Variants in IGSF1 observed in about 807,000 individuals in gnomAD.
IGSF1 encodes immunoglobulin superfamily member 1.
A neutral mutation model predicts 95.3 loss-of-function variants in IGSF1; 40 were observed. The observed-to-expected ratio is 0.42, with a 90% CI of 0.33 to 0.55. The LOEUF is 0.55. IGSF1 is among the 20% of genes least tolerant of loss of function. IGSF1 has a pLI of 0.10. For missense variants in IGSF1, 906 were observed against 1,025.4 expected, an observed-to-expected ratio of 0.88 and a Z score of 1.59; for synonymous variants, 372 against 382.9, an observed-to-expected ratio of 0.97 and a Z score of 0.33.
chrX:131,287,282 TTATA>T (rs2080657883), intron 1 of IGSF1, among the ~76,000 whole-genome samples: 1 of 108,245 alleles, frequency 9.2e-6, no homozygotes, highest in Non-Finnish European at 1.9e-5. Context: ...CTTAGAGAGG[TTATA>T]TAATTTGCCC....
At chrX:131,281,560 G>A in intron 8 of IGSF1, 106 bp downstream of exon 8, 1 of 978,062 alleles carries the variant, frequency 1.0e-6, no homozygotes, top group African/African-American at 1.9e-5. Context: ...GAAACCCAAG[G>A]GCTCTGATTT....
At chrX:131,277,297 G>C in intron 13 of IGSF1, 71 bp from the exon 14 acceptor site, 1 of 993,062 alleles carries the variant, frequency 1.0e-6, no homozygotes, top group Non-Finnish European at 1.4e-6. Flanking sequence ...GAACAAGAAA[G>C]AGAGAAAGCA....
chrX:131,285,307 G>A lies in IGSF1; in HGVS notation c.539C>T (p.Thr180Ile). 1 of 1,210,573 alleles carries A rather than the reference G, an allele frequency of 8.3e-7. No individual in the cohort carries two copies. Among genetic ancestry groups the A allele is most frequent in the Non-Finnish European group, 1.1e-6 (1 of 894,389 alleles). ...GTTGTCAATGGAGAATATGGCCATTGTCCCAGTTGGGACTTGGTAATCCAC... is the reference window on the plus strand; with the variant it reads ...GTTGTCAATGGAGAATATGGCCATTATCCCAGTTGGGACTTGGTAATCCAC... ...EPVDYQVPTG[T>I]MAIFSIDNLT... is the part of the protein sequence containing the mutation. Residue 180 changes from threonine (T) to isoleucine (I), a missense_variant, in exon 5 of 20, where the codon ACA (threonine) becomes ATA (isoleucine). Coordinates refer to ENST00000361420, the MANE Select transcript of IGSF1 (RefSeq NM_001555.5).
chrX:131,282,622 C>A lies in IGSF1; in HGVS notation c.1068G>T (p.Lys356Asn). The A allele has an allele frequency of 8.3e-7, 1 of 1,210,642 alleles. No individual in the cohort carries two copies. Among genetic ancestry groups the A allele is most frequent in the African/African-American group, 1.7e-5 (1 of 57,705 alleles). Residue 356 changes from lysine to asparagine, a missense_variant, in exon 7 of 20, where the codon AAG becomes AAT. By Grantham distance (94) the Lys-to-Asn change is moderately conservative (BLOSUM62 0). This residue lies in a region of IGSF1 where 442 missense variants were observed against 448.1 expected (regional missense o/e 0.99). Coordinates refer to ENST00000361420, the MANE Select transcript of IGSF1 (RefSeq NM_001555.5). ...ATTGAAGTGGTTTGTCTTCTCCTTTCTTATAGAGTGCAAGACCCACTCCAT... is the reference window on the plus strand; with the variant it reads ...ATTGAAGTGGTTTGTCTTCTCCTTTATTATAGAGTGCAAGACCCACTCCAT... Reference protein sequence around the residue: ...PVDGVGLALYKKGEDKPLQFL... With the variant: ...PVDGVGLALYNKGEDKPLQFL...
At chrX:131,288,351 C>A (rs2080671327) in intron 1 of IGSF1, among the ~76,000 whole-genome samples, 1 of 111,903 alleles carries the variant, frequency 8.9e-6, no homozygotes, top group Non-Finnish European at 1.9e-5. Flanking sequence ...GATGCCCTTT[C>A]CATCTCAGTT....
In IGSF1 at chrX:131,283,236, G is replaced by A; in HGVS notation, c.696C>T (p.Ala232=). Residue 232 remains alanine, a synonymous_variant, in exon 6 of 20, where the codon GCC becomes GCT. Coordinates refer to ENST00000361420, the MANE Select transcript of IGSF1 (RefSeq NM_001555.5). ...AGLYPKPTLT[A]HPGPIMAPGE... Reference sequence around the variant, plus strand: ...CAGGTGCCATGATGGGCCCAGGATGGGCTGTCAAAGTTGGTTTGGGGTAGA... The same window carrying A: ...CAGGTGCCATGATGGGCCCAGGATGAGCTGTCAAAGTTGGTTTGGGGTAGA... 1.7e-6 allele frequency: 2 copies of A among 1,209,087 alleles called. No individual in the cohort carries two copies. The highest frequency in any genetic ancestry group is 2.2e-6 in the Non-Finnish European group (2 of 893,449).
chrX:131,278,465 C>A lies in IGSF1; in HGVS notation c.2037G>T (p.Gly679=). The change falls in exon 12 of 20, where the codon GGG becomes GGT. Residue 679 remains glycine, a synonymous_variant. Coordinates refer to ENST00000361420, the MANE Select transcript of IGSF1 (RefSeq NM_001555.5). ...SEPSEALELV[G]TDILPKPVIS... is the part of the protein sequence containing the mutation. ...AGACCCTCTACATTTTCTTACCTGTCCCCACCAGCTCAAGTGCCTCACTGG... is the reference window on the plus strand; with the variant it reads ...AGACCCTCTACATTTTCTTACCTGTACCCACCAGCTCAAGTGCCTCACTGG... 1.7e-6 allele frequency: 2 copies of A among 1,195,089 alleles called. No individual in the cohort carries two copies. The highest frequency in any genetic ancestry group is 3.5e-5 in the African/African-American group (2 of 57,461).
Position 131,281,245 on chromosome X carries a change from C to G in IGSF1, c.1619G>C (p.Arg540Thr). Residue 540 changes from arginine to threonine, a missense_variant, in exon 9 of 20, where the codon AGG becomes ACG. Arg to Thr is a moderately conservative substitution (Grantham distance 71, BLOSUM62 -1). This residue lies in a region of IGSF1 where 442 missense variants were observed against 448.1 expected (regional missense o/e 0.99). Transcript: ENST00000361420. ...VALLLVVLWI[R>T]WKCRRLRIRE... is the part of the protein sequence containing the mutation. The stretch of plus-strand genomic sequence containing the variant: ...GATTCTGAGTCTCCGACACTTCCAC[C>G]TTATCCACAGCACTACCAACAGCAA... 8.3e-7 allele frequency: 1 copy of G among 1,211,190 alleles called. No homozygotes were observed. The highest frequency in any genetic ancestry group is 1.1e-6 in the Non-Finnish European group (1 of 894,992).
chrX:131,282,421 T>C (rs2080575059), intron 7 of IGSF1, 23 bp downstream of exon 7: 1 of 1,167,584 alleles, frequency 8.6e-7, no homozygotes, highest in Admixed American at 2.3e-5. Context: ...AGGTTGATAA[T>C]AAAAACAGTT....
rs2080511438 is a variant in IGSF1 at position 131,278,658 on chromosome X, G to C, written c.1844C>G (p.Pro615Arg). Residue 615 changes from proline (P) to arginine (R), a missense_variant, in exon 12 of 20, where the codon CCT (proline) becomes CGT (arginine). By Grantham distance (103) the Pro-to-Arg change is moderately radical (BLOSUM62 -2). Coordinates refer to ENST00000361420, the MANE Select transcript of IGSF1 (RefSeq NM_001555.5). Reference sequence around the variant, plus strand: ...CACAAACTCCTTAGTTGAGCCAGAAGGGCTTCTGCACCAGAGGGTTAAGTT... The same window carrying C: ...CACAAACTCCTTAGTTGAGCCAGAACGGCTTCTGCACCAGAGGGTTAAGTT... ...WKNLTLWCRS[P>R]SGSTKEFVLL... The C allele has an allele frequency of 1.7e-6, 2 of 1,211,119 alleles. No individual in the cohort carries two copies. Among genetic ancestry groups the C allele is most frequent in the East Asian group, 5.9e-5 (2 of 33,827 alleles).
At chrX:131,281,424 C>T (rs931570531) in intron 8 of IGSF1, 86 bp from the exon 9 acceptor site, 41 of 1,074,313 alleles carry the variant, frequency 3.8e-5, no homozygotes, top group Middle Eastern at 2.5e-4. Flanking sequence ...AATCTGGTTA[C>T]TGACAGTGCT....
chrX:131,286,211 G>T (rs910581721), intron 3 of IGSF1, among the ~76,000 whole-genome samples, 163 bp from the exon 4 acceptor site: 2 of 111,157 alleles, frequency 1.8e-5, no homozygotes, highest in Non-Finnish European at 3.8e-5. Context: ...AGAACCCCAA[G>T]ATATTTTGTC....
intron 12 of IGSF1, 44 bp downstream of exon 12, chrX:131,278,417 G>C (rs781006651): frequency 1.8e-6 from 2 of 1,106,470 alleles, no homozygotes; most frequent in Non-Finnish European, 2.4e-6. Context: ...TGGAGTCCCA[G>C]GGGCACTGGG....
At chrX:131,277,664 C>T (rs1315513701) in intron 13 of IGSF1, 192 bp downstream of exon 13, 4 of 434,239 alleles carry the variant, frequency 9.2e-6, no homozygotes, top group East Asian at 7.4e-5. Context: ...CTATTAATAA[C>T]GATTATGGCT....
Position 131,278,566 on chromosome X carries a change from G to A in IGSF1, c.1936C>T (p.Pro646Ser). The A allele has an allele frequency of 1.7e-6, 2 of 1,211,222 alleles. No homozygotes were observed. The highest frequency in any genetic ancestry group is 1.8e-5 in the South Asian group (1 of 56,976). ...PASEQVRAAF[P>S]LGALTQSHTG... is the part of the protein sequence containing the mutation. ...TGGCTCTGGGTCAGGGCGCCAAGGG[G>A]GAAGGCAGCCCGGACCTGCTCTGAG... is the stretch of plus-strand genomic sequence containing the variant. The change falls in exon 12 of 20, where the codon CCC becomes TCC. Residue 646 changes from proline (P) to serine (S), a missense_variant. Physicochemically the swap from Pro to Ser is moderately conservative, Grantham distance 74. Transcript: ENST00000361420.
chrX:131,287,192 G>T (rs60402176), intron 1 of IGSF1, among the ~76,000 whole-genome samples: 39,695 of 94,075 alleles, frequency 0.42, 6,817 homozygotes, highest in East Asian at 0.56. Context: ...TATATATATA[G>T]AGAGAGAGAG....
At chrX:131,286,326 C>T in intron 3 of IGSF1, 111 bp downstream of exon 3, 1 of 678,728 alleles carries the variant, frequency 1.5e-6, no homozygotes, top group South Asian at 2.5e-5. Context: ...GATTCCCAAT[C>T]AGCCCAATCT....
Position 131,275,197 on chromosome X carries a change from G to T in IGSF1, c.3274C>A (p.Pro1092Thr). Reference sequence around the variant, plus strand: ...TTCAACAGGACAAATGTTGAGTCTGGCAGTTCCCCTTGACACTGAAGAGTC... The same window carrying T: ...TTCAACAGGACAAATGTTGAGTCTGTCAGTTCCCCTTGACACTGAAGAGTC... ...NMTLQCQGELPDSTFVLLKEG... is the reference protein window; with the variant it reads ...NMTLQCQGELTDSTFVLLKEG... Residue 1092 changes from proline to threonine, a missense_variant, in exon 17 of 20, where the codon CCA (proline) becomes ACA (threonine). By Grantham distance (38) the Pro-to-Thr change is conservative. Transcript: ENST00000361420. 1 of 1,211,480 alleles carries T rather than the reference G, an allele frequency of 8.3e-7. No individual in the cohort carries two copies. The highest frequency in any genetic ancestry group is 1.8e-5 in the South Asian group (1 of 56,981).
chrX:131,279,291 A>G lies in IGSF1; in HGVS notation c.1697T>C (p.Val566Ala). ...TAQGVTMLFI[V>A]TALLCCGLCN... ...CTCACCACAGCAGAGAAGGGCCGTG[A>G]CTATGAAGAGCATGGTGACCCCTTG... The change falls in exon 10 of 20, where the codon GTC becomes GCC. Residue 566 changes from valine (V) to alanine (A), a missense_variant. Transcript: ENST00000361420. The G allele has an allele frequency of 8.3e-7, 1 of 1,209,095 alleles. No individual in the cohort carries two copies. Among genetic ancestry groups the G allele is most frequent in the Non-Finnish European group, 1.1e-6 (1 of 894,756 alleles).
Sources: gnomAD v4.1 joint callset for allele counts (sites outside exome capture counted in the v4.1 genomes callset) on GRCh38, gnomAD v4.1.1 for gene constraint, gnomAD v4.1.1 regional missense constraint, MANE v1.5 for transcripts, NCBI Gene and HGNC (gene_info 2026-07-23, HGNC 2026-07-21) for gene names.